SPAG1: variants seen among roughly 807,000 people sequenced by gnomAD.
The protein encoded by SPAG1 is sperm associated antigen 1, also known as sperm-associated antigen 1.
Under a neutral mutation model 100.5 loss-of-function variants are expected in SPAG1, and 69 were observed. The observed-to-expected ratio is 0.69, with a 90% CI of 0.57 to 0.84. The LOEUF (loss-of-function observed/expected upper bound fraction) is 0.84, where lower values mean the gene tolerates loss of function less well. SPAG1 is among the 40% of genes least tolerant of loss of function. The pLI, the probability that SPAG1 is intolerant of heterozygous loss-of-function variation, is 0.00. For missense variants in SPAG1, 955 were observed against 1,133.1 expected (o/e 0.84, Z 2.26); for synonymous variants, 336 against 411.6 (o/e 0.82, Z 2.22).
chr8:100,179,024 G>T (rs1301315267), intron 4 of SPAG1, among the ~76,000 whole-genome samples: 1 of 147,712 alleles, frequency 6.8e-6, no homozygotes, highest in Admixed American at 6.8e-5. Flanking sequence ...GAACCCAGGA[G>T]ATGGAGGTTG....
At chr8:100,168,190 T>C (rs753048938) in intron 3 of SPAG1, among the ~76,000 whole-genome samples, 25 of 152,200 alleles carry the variant, frequency 1.6e-4, no homozygotes, top group Non-Finnish European at 8.8e-5. Context: ...TATATAAAAT[T>C]TCCACCTGCT....
intron 10 of SPAG1, among the ~76,000 whole-genome samples, chr8:100,208,624 T>C (rs895333675): frequency 1.3e-5 from 2 of 152,244 alleles, no homozygotes; most frequent in Admixed American, 1.3e-4. Flanking sequence ...CATGAGTATT[T>C]TCTCCTTTTG....
In SPAG1 at chr8:100,177,958, T is replaced by A; in HGVS notation, c.426+17T>A. 1 of 1,601,622 alleles carries A rather than the reference T, an allele frequency of 6.2e-7. No individual in the cohort carries two copies. The highest frequency in any genetic ancestry group is 8.5e-7 in the Non-Finnish European group (1 of 1,174,044). Reference sequence around the variant, plus strand: ...GTAGGCAAGGTAGGCTTCTTTGATATCTTTGTGGGTGGTAGCAGGAGAGGA... The same window carrying A: ...GTAGGCAAGGTAGGCTTCTTTGATAACTTTGTGGGTGGTAGCAGGAGAGGA... On this transcript the variant is annotated intron_variant, in intron 4 of 18. Coordinates refer to ENST00000388798, the MANE Select transcript of SPAG1 (RefSeq NM_003114.5).
At chr8:100,166,100 G>T in intron 3 of SPAG1, 127 bp downstream of exon 3, 1 of 812,082 alleles carries the variant, frequency 1.2e-6, no homozygotes, top group Non-Finnish European at 1.9e-6. Flanking sequence ...AGGCAGGATT[G>T]GTTGCTTTTT....
intron 1 of SPAG1, among the ~76,000 whole-genome samples, chr8:100,160,015 T>TA (rs1815235583): frequency 6.6e-6 from 1 of 152,228 alleles, no homozygotes. Flanking sequence ...TAATGTCACT[T>TA]AAAACCTACC....
Position 100,225,231 on chromosome 8 carries a change from A to G in SPAG1, c.1747A>G (p.Ile583Val), listed in dbSNP as rs201568989. Residue 583 changes from isoleucine (I) to valine (V), a missense_variant, in exon 14 of 19, where the codon ATT (isoleucine) becomes GTT (valine). By Grantham distance (29) the Ile-to-Val change is conservative. Transcript: ENST00000388798. ...AAATTGGCGGGAGAAGCTGTCACCT[A>G]TTCCTGCTGTGCCTGCTTCTGTGCC... The part of the protein sequence containing the change: ...GPNWREKLSP[I>V]PAVPASVPLQ... 1.9e-4 allele frequency: 303 copies of G among 1,613,860 alleles called. No individual in the cohort carries two copies. The highest frequency in any genetic ancestry group is 1.8e-4 in the South Asian group (16 of 91,080).
intron 2 of SPAG1, chr8:100,165,338 ACTT>A (rs1815500509): frequency 2.0e-6 from 1 of 504,122 alleles, no homozygotes; most frequent in Non-Finnish European, 4.0e-6. Context: ...TAATAATTGC[ACTT>A]CTTGCAGCAG....
chr8:100,204,839 A>G (rs913324857), intron 10 of SPAG1, among the ~76,000 whole-genome samples: 3 of 152,224 alleles, frequency 2.0e-5, no homozygotes, highest in African/African-American at 7.2e-5. Context: ...TCACTCACCT[A>G]CAAAATTTAA....
chr8:100,180,979 G>A (rs947401197), intron 4 of SPAG1, among the ~76,000 whole-genome samples: 7 of 152,300 alleles, frequency 4.6e-5, no homozygotes, highest in Non-Finnish European at 1.0e-4. Context: ...TGAGGAGTGC[G>A]AGAGTGTCAT....
Position 100,213,808 on chromosome 8 carries a change from G to T in SPAG1, c.1436-11G>T. On this transcript the variant is annotated splice_polypyrimidine_tract_variant and intron_variant, in intron 11 of 18. Coordinates refer to ENST00000388798, the MANE Select transcript of SPAG1 (RefSeq NM_003114.5). Reference sequence around the variant, plus strand: ...GGATTTTAACTGTATTTAATTAAATGTGATTTTTAGGAAGTGAAATTGCAG... The same window carrying T: ...GGATTTTAACTGTATTTAATTAAATTTGATTTTTAGGAAGTGAAATTGCAG... 1.4e-6 allele frequency: 2 copies of T among 1,457,126 alleles called. No individual in the cohort carries two copies. Among genetic ancestry groups the T allele is most frequent in the Non-Finnish European group, 1.9e-6 (2 of 1,044,662 alleles). 90.3% of individuals were successfully genotyped at this position (1,457,126 alleles called of 1,614,324 possible).
intron 4 of SPAG1, 28 bp downstream of exon 4, chr8:100,177,969 G>A (rs757037198): frequency 6.3e-7 from 1 of 1,595,786 alleles, no homozygotes; most frequent in Admixed American, 1.7e-5. Flanking sequence ...CTTTGTGGGT[G>A]GTAGCAGGAG....
intron 8 of SPAG1, among the ~76,000 whole-genome samples, chr8:100,190,873 T>C (rs1563784853): frequency 6.6e-6 from 1 of 152,028 alleles, no homozygotes; most frequent in Non-Finnish European, 1.5e-5. Flanking sequence ...TTTTGCCATG[T>C]TGGCCAGGCT....
intron 1 of SPAG1, among the ~76,000 whole-genome samples, chr8:100,161,724 C>T (rs1484080519): frequency 1.3e-5 from 2 of 152,158 alleles, no homozygotes; most frequent in Non-Finnish European, 2.9e-5. Flanking sequence ...TGCCCCAGCA[C>T]CTGGACCCAT....
chr8:100,183,976 G>A lies in SPAG1; in HGVS notation c.509G>A (p.Cys170Tyr). The A allele has an allele frequency of 6.5e-7, 1 of 1,537,812 alleles. No homozygotes were observed. Among genetic ancestry groups the A allele is most frequent in the South Asian group, 1.2e-5 (1 of 80,484 alleles). Residue 170 changes from cysteine to tyrosine, a missense_variant, in exon 6 of 19, where the codon TGT becomes TAT. Cys to Tyr is a radical substitution (Grantham distance 194, BLOSUM62 -2). Transcript: ENST00000388798. Reference protein sequence around the residue: ...EWDKFDVEKECLKIDEDYKEK... With the variant: ...EWDKFDVEKEYLKIDEDYKEK... The stretch of plus-strand genomic sequence containing the variant: ...TTAAGATTTGACGTGGAGAAGGAAT[G>A]TTTAAAAATTGATGAAGATTACAAA...
intron 10 of SPAG1, among the ~76,000 whole-genome samples, chr8:100,208,514 G>A (rs1817597243): frequency 6.6e-6 from 1 of 152,226 alleles, no homozygotes; most frequent in South Asian, 2.1e-4. Flanking sequence ...CGAGGTGCTT[G>A]CTGAAGGCAA....
intron 10 of SPAG1, among the ~76,000 whole-genome samples, chr8:100,208,109 C>A (rs982152348): frequency 6.6e-6 from 1 of 152,188 alleles, no homozygotes; most frequent in Admixed American, 6.5e-5. Flanking sequence ...TGTGACATTA[C>A]GTTCTGCTGG....
chr8:100,235,828 T>C (rs958330059), intron 16 of SPAG1, among the ~76,000 whole-genome samples: 5 of 151,692 alleles, frequency 3.3e-5, no homozygotes, highest in African/African-American at 1.2e-4. Context: ...CCCTAACACA[T>C]GCCTCCCCGC....
chr8:100,215,310 G>T (rs1341522876), intron 12 of SPAG1, among the ~76,000 whole-genome samples: 1 of 151,720 alleles, frequency 6.6e-6, no homozygotes, highest in Non-Finnish European at 1.5e-5. Flanking sequence ...ATAAAACATT[G>T]TTTTCCACCA....
chr8:100,217,458 T>C (rs1021450171), intron 12 of SPAG1, among the ~76,000 whole-genome samples: 28 of 151,908 alleles, frequency 1.8e-4, no homozygotes, highest in African/African-American at 6.5e-4. Flanking sequence ...GAGTGCAGAG[T>C]TGGGGTTGGG....
Sources: allele counts gnomAD v4.1 joint callset (sites outside exome capture counted in the v4.1 genomes callset), GRCh38; gene constraint gnomAD v4.1.1; transcripts MANE v1.5; gene names NCBI Gene and HGNC (gene_info 2026-07-23, HGNC 2026-07-21).